GAS2L1: variants seen among roughly 807,000 people sequenced by gnomAD.
GAS2L1 encodes GAS2-like protein 1.
In GAS2L1, 26 loss-of-function variants were observed where a neutral mutation model predicts 44.0. The observed-to-expected ratio is 0.59, with a 90% CI of 0.43 to 0.82. The LOEUF (loss-of-function observed/expected upper bound fraction) is 0.82. GAS2L1 is among the 40% of genes least tolerant of loss of function. The pLI, the probability that GAS2L1 is intolerant of heterozygous loss-of-function variation, is 0.00. For synonymous variants in GAS2L1, 426 were observed against 415.9 expected, an observed-to-expected ratio of 1.02 and a Z score of -0.30; for missense variants, 1,006 against 983.0, an observed-to-expected ratio of 1.02 and a Z score of -0.31.
At chr22:29,312,008 G>T in exon 5 of GAS2L1, 1 of 1,611,776 alleles carries the variant, frequency 6.2e-7, no homozygotes. Context: ...AGCTGTTCCG[G>T]CGCCTGGAAG....
At chr22:29,309,640 G>A (rs1472204481) in intron 1 of GAS2L1, among the ~76,000 whole-genome samples, 1 of 152,242 alleles carries the variant, frequency 6.6e-6, no homozygotes, top group Non-Finnish European at 1.5e-5. Flanking sequence ...CTGGTGGGGG[G>A]CTGTATGTGG....
exon 3 of GAS2L1, chr22:29,310,669 G>A (rs2061393987): frequency 6.2e-7 from 1 of 1,607,324 alleles, no homozygotes; most frequent in African/African-American, 1.3e-5. Flanking sequence ...GTGCGAGTGG[G>A]TGGTGGCTGG....
chr22:29,311,935 T>C (rs1350866530), exon 5 of GAS2L1: 5 of 1,605,092 alleles, frequency 3.1e-6, no homozygotes, highest in Non-Finnish European at 3.4e-6. Context: ...AGTCCAGAGT[T>C]GGGCACCACA....
At chr22:29,312,376 G>A (rs748587504) in exon 5 of GAS2L1, 2 of 1,599,848 alleles carry the variant, frequency 1.3e-6, no homozygotes, top group Non-Finnish European at 1.7e-6. Flanking sequence ...CAGCCAGACC[G>A]TAAACCCTCA....
chr22:29,309,320 G>A (rs1002764846), intron 1 of GAS2L1, among the ~76,000 whole-genome samples: 3 of 152,190 alleles, frequency 2.0e-5, no homozygotes, highest in African/African-American at 4.8e-5. Context: ...TACAGGATTC[G>A]TTCTACTCTA....
chr22:29,310,174 G>A (rs2061387065), intron 1 of GAS2L1: 3 of 194,072 alleles, frequency 1.5e-5, no homozygotes, highest in African/African-American at 4.7e-5. Flanking sequence ...CCTGGAAGGC[G>A]GAGGTTGCGG....
chr22:29,309,204 CAGT>C (rs908052829), intron 1 of GAS2L1, among the ~76,000 whole-genome samples: 3 of 152,234 alleles, frequency 2.0e-5, no homozygotes, highest in Non-Finnish European at 2.9e-5. Flanking sequence ...GCCTGGCACA[CAGT>C]AGGTGCCCCA....
chr22:29,312,044 C>G lies in GAS2L1; in HGVS notation c.1593C>G (p.Ala531=). The change falls in exon 5 of 5, where the codon GCC becomes GCG. Residue 531 remains alanine (A), a synonymous_variant. Coordinates refer to ENST00000618518, the Ensembl canonical transcript of GAS2L1. ...AGGAGTTCCTGGCCAATGCCCGGGCCCTTGAGGCTGTTGCTAGCGTGACCC... is the reference window on the plus strand; with the variant it reads ...AGGAGTTCCTGGCCAATGCCCGGGCGCTTGAGGCTGTTGCTAGCGTGACCC... 3 of 1,612,564 alleles carry G rather than the reference C, an allele frequency of 1.9e-6. 1 individual carries two copies. The highest frequency in any genetic ancestry group is 2.5e-6 in the Non-Finnish European group (3 of 1,179,866).
chr22:29,312,348 C>T (rs1297583398), exon 5 of GAS2L1: 4 of 1,604,302 alleles, frequency 2.5e-6, no homozygotes, highest in Non-Finnish European at 2.6e-6. Context: ...GACCTGGGCA[C>T]GGGGTCGGAT....
At chr22:29,309,008 GCTAA>G (rs1439955325) in intron 1 of GAS2L1, among the ~76,000 whole-genome samples, 1 of 152,280 alleles carries the variant, frequency 6.6e-6, no homozygotes, top group South Asian at 2.1e-4. Context: ...CACTTTGTGT[GCTAA>G]CTGTGCCTCA....
At chr22:29,310,734 G>C (rs1373049437) in exon 3 of GAS2L1, 2 of 1,608,740 alleles carry the variant, frequency 1.2e-6, no homozygotes, top group African/African-American at 1.3e-5. Context: ...CTCCTCCACT[G>C]GTCAGTGCCA....
chr22:29,311,438 G>A (rs888430488), intron 4 of GAS2L1, 24 bp from the exon 6 acceptor site: 6 of 911,778 alleles, frequency 6.6e-6, no homozygotes, highest in Admixed American at 2.5e-5. Context: ...TACCCCATCT[G>A]TCTCTATTGT....
At position 29,310,813 on chromosome 22, in the gene GAS2L1, C is replaced by T. The variant is rs1210966459; in HGVS notation, c.839-14C>T. 2 of 1,607,414 alleles carry T rather than the reference C, an allele frequency of 1.2e-6. No homozygotes were observed. The highest frequency in any genetic ancestry group is 8.5e-7 in the Non-Finnish European group (1 of 1,178,600). On this transcript the variant is annotated splice_polypyrimidine_tract_variant and intron_variant, in intron 3 of 4. Coordinates refer to ENST00000618518, the Ensembl canonical transcript of GAS2L1. ...CTCTGTCCCTCACATGCTGCCTGTC[C>T]TCTCTCCCCGCAGCTCATCGCCCAC...
chr22:29,310,343 G>A (rs911740953), intron 1 of GAS2L1, 96 bp from the exon 3 acceptor site: 8 of 713,496 alleles, frequency 1.1e-5, no homozygotes, highest in Admixed American at 2.2e-5. Flanking sequence ...CCACTTACCC[G>A]GAAAGCCTGA....
exon 5 of GAS2L1, chr22:29,312,453 C>G (rs1477374584): frequency 6.6e-7 from 1 of 1,522,112 alleles, no homozygotes; most frequent in Non-Finnish European, 8.8e-7. Context: ...ATGGCATGCC[C>G]TGCACTCAGT....
exon 5 of GAS2L1, chr22:29,311,525 A>G: frequency 1.3e-6 from 2 of 1,538,796 alleles, no homozygotes; most frequent in Non-Finnish European, 8.7e-7. Flanking sequence ...GTGACTCCTC[A>G]GCCTCCTCCG....
In GAS2L1 at chr22:29,310,255, A is replaced by T. The variant is rs568348003; in HGVS notation, c.634-184A>T. ...AAAACTCCAACTCAAAAAAAAAAAA[A>T]AATAAAAAAAAATAAAAAAAATAAA... On this transcript the variant is annotated intron_variant, in intron 1 of 4. Coordinates refer to ENST00000618518, the Ensembl canonical transcript of GAS2L1. 1,185 of 368,052 alleles carry T rather than the reference A, an allele frequency of 3.2e-3. 16 individuals are homozygous for T. The highest frequency in any genetic ancestry group is 4.2e-3 in the Non-Finnish European group (874 of 207,248). The allele number at this position is 368,052 out of a possible 1,614,324, so 22.8% of individuals were successfully genotyped here. A position where few individuals can be genotyped will look rare whatever the true frequency, so the allele number is the denominator to read the frequency against.
exon 5 of GAS2L1, chr22:29,312,005 C>A: frequency 6.2e-7 from 1 of 1,611,746 alleles, no homozygotes; most frequent in Non-Finnish European, 8.5e-7. Flanking sequence ...AGCAGCTGTT[C>A]CGGCGCCTGG....
In GAS2L1 at chr22:29,308,609, G is replaced by T. The variant is rs113516975; in HGVS notation, c.504G>T (p.Leu168=). The T allele has an allele frequency of 3.2e-4, 506 of 1,594,934 alleles. 4 individuals are homozygous for T. In the African/African-American group the frequency reaches 5.2e-3, roughly 16 times the overall value. ...TTGAGCAGGAGATTGAGCGGGAGCT[G>T]CGTGCTGCACCCCCAGCCCCCAACG... is the stretch of plus-strand genomic sequence containing the variant. Residue 168 remains leucine (L), a synonymous_variant, in exon 1 of 5, where the codon CTG becomes CTT. Coordinates refer to ENST00000618518, the Ensembl canonical transcript of GAS2L1.
Sources: gnomAD v4.1 joint callset for allele counts (sites outside exome capture counted in the v4.1 genomes callset) on GRCh38, gnomAD v4.1.1 for gene constraint, MANE v1.5 for transcripts, NCBI Gene and HGNC (gene_info 2026-07-23, HGNC 2026-07-21) for gene names.